The following SIRT5 variants were observed in gnomAD, a reference collection of about 807,000 sequenced individuals.
SIRT5 encodes the protein NAD-dependent protein deacylase sirtuin-5, mitochondrial.
SIRT5 carries 26 observed loss-of-function variants against 40.0 expected under a neutral mutation model. The observed-to-expected ratio is 0.65, with a 90% CI of 0.48 to 0.90. SIRT5 has a LOEUF of 0.90. Among genes scored for constraint, SIRT5 ranks in the 40% least tolerant of loss-of-function variants. SIRT5 has a pLI of 0.00. For missense variants in SIRT5, 401 were observed against 402.4 expected (o/e 1.00, Z 0.03); for synonymous variants, 146 against 149.1 (o/e 0.98, Z 0.15).
intron 2 of SIRT5, among the ~76,000 whole-genome samples, chr6:13,583,395 A>T (rs1759632013): frequency 1.3e-5 from 2 of 149,388 alleles, no homozygotes; most frequent in African/African-American, 2.5e-5. Context: ...CCGGGGTTCA[A>T]GTAGTTCTCC....
At position 13,599,013 on chromosome 6, in the gene SIRT5, A is replaced by G. The variant is rs201378458; in HGVS notation, c.618-19A>G. 93 of 1,612,834 alleles carry G rather than the reference A, an allele frequency of 5.8e-5. No homozygotes were observed. The highest frequency in any genetic ancestry group is 7.9e-5 in the Non-Finnish European group (93 of 1,179,476). ...GGCAGACTTGGCTCGGGGTTGGCTT[A>G]AGGATCCCATTCTTCCAGGTGTGAA... On this transcript the variant is annotated intron_variant, in intron 7 of 9. Coordinates refer to ENST00000606117, the MANE Select transcript of SIRT5 (RefSeq NM_012241.5).
At chr6:13,583,548 C>T (rs1759652946) in intron 2 of SIRT5, among the ~76,000 whole-genome samples, 1 of 152,168 alleles carries the variant, frequency 6.6e-6, no homozygotes, top group South Asian at 2.1e-4. Context: ...CCCATCTCGG[C>T]CTCCCAAAGT....
Position 13,591,878 on chromosome 6 carries a change from C to G in SIRT5, c.459C>G (p.Asn153Lys). The stretch of plus-strand genomic sequence containing the variant: ...TGCACCGCAAGGCTGGCACCAAGAA[C>G]CTTCTGGAGATCCATGGTGAGAGAC... ...DELHRKAGTK[N>K]LLEIHGSLFK... The change falls in exon 5 of 10, where the codon AAC becomes AAG. Residue 153 changes from asparagine (N) to lysine (K), a missense_variant. By Grantham distance (94) the Asn-to-Lys change is moderately conservative. Coordinates refer to ENST00000606117, the MANE Select transcript of SIRT5 (RefSeq NM_012241.5). The G allele has an allele frequency of 1.2e-6, 2 of 1,613,164 alleles. No individual in the cohort carries two copies. Among genetic ancestry groups the G allele is most frequent in the East Asian group, 4.5e-5 (2 of 44,854 alleles).
At chr6:13,611,238 C>CACACACACAT (rs1214269950) in intron 9 of SIRT5, among the ~76,000 whole-genome samples, 3 of 116,374 alleles carry the variant, frequency 2.6e-5, no homozygotes, top group African/African-American at 1.1e-4. Flanking sequence ...TATATATATA[C>CACACACACAT]ACACACACAT....
intron 9 of SIRT5, chr6:13,604,491 C>T: frequency 2.5e-6 from 4 of 1,570,300 alleles, no homozygotes; most frequent in Non-Finnish European, 3.5e-6. Flanking sequence ...TGATCTCCAT[C>T]TCATCTCTAA....
At chr6:13,593,600 T>G (rs1761213750) in intron 5 of SIRT5, among the ~76,000 whole-genome samples, 1 of 152,112 alleles carries the variant, frequency 6.6e-6, no homozygotes, top group African/African-American at 2.4e-5. Context: ...CGATGAGAAC[T>G]CTCTTCTAAC....
chr6:13,596,977 G>T lies in SIRT5; in HGVS notation c.578G>T (p.Gly193Val). ...ATTTACTTCAGTGCTCCAGAACCTGGAACTCAAGATGCCAGCATCCCAGTT... is the reference window on the plus strand; with the variant it reads ...ATTTACTTCAGTGCTCCAGAACCTGTAACTCAAGATGCCAGCATCCCAGTT... Reference protein sequence around the residue: ...ALSGKGAPEPGTQDASIPVEK... With the variant: ...ALSGKGAPEPVTQDASIPVEK... The change falls in exon 7 of 10, where the codon GGA (glycine) becomes GTA (valine). Residue 193 changes from glycine (G) to valine (V), a missense_variant. Physicochemically the swap from Gly to Val is moderately radical, Grantham distance 109. Coordinates refer to ENST00000606117, the MANE Select transcript of SIRT5 (RefSeq NM_012241.5). The T allele has an allele frequency of 1.2e-6, 2 of 1,611,112 alleles. No individual in the cohort carries two copies. Among genetic ancestry groups the T allele is most frequent in the Non-Finnish European group, 1.7e-6 (2 of 1,179,146 alleles).
chr6:13,583,094 T>C (rs1395519702), intron 2 of SIRT5, among the ~76,000 whole-genome samples: 3 of 151,938 alleles, frequency 2.0e-5, no homozygotes, highest in African/African-American at 7.3e-5. Context: ...TAGTCCCAGC[T>C]ACTGGGGAGG....
At chr6:13,598,528 A>T (rs1457800072) in intron 7 of SIRT5, among the ~76,000 whole-genome samples, 1 of 152,142 alleles carries the variant, frequency 6.6e-6, no homozygotes, top group Non-Finnish European at 1.5e-5. Flanking sequence ...TACAGACAAG[A>T]TAAAAAATAA....
intron 3 of SIRT5, among the ~76,000 whole-genome samples, chr6:13,585,952 G>A (rs1177785942): frequency 2.0e-5 from 3 of 152,098 alleles, no homozygotes; most frequent in Admixed American, 2.0e-4. Flanking sequence ...GTGTGAGATG[G>A]TATCTCACTG....
chr6:13,578,944 G>A (rs919652756), intron 1 of SIRT5, among the ~76,000 whole-genome samples: 2 of 152,132 alleles, frequency 1.3e-5, no homozygotes, highest in Non-Finnish European at 2.9e-5. Context: ...TGATCAATGA[G>A]TTTATTTCCT....
intron 1 of SIRT5, among the ~76,000 whole-genome samples, chr6:13,574,967 G>T (rs904751168): frequency 1.3e-5 from 2 of 152,172 alleles, no homozygotes; most frequent in African/African-American, 4.8e-5. Context: ...GGCAGTGGGC[G>T]TGGAGAGGGG....
intron 8 of SIRT5, among the ~76,000 whole-genome samples, chr6:13,599,977 CTGTA>C (rs1213901726): frequency 1.3e-5 from 2 of 152,166 alleles, no homozygotes; most frequent in African/African-American, 4.8e-5. Flanking sequence ...TTTCAATTGA[CTGTA>C]TGGTGTTATA....
chr6:13,576,951 A>G (rs536693254), intron 1 of SIRT5, among the ~76,000 whole-genome samples: 4 of 152,286 alleles, frequency 2.6e-5, no homozygotes, highest in African/African-American at 9.6e-5. Flanking sequence ...TCAAAAATCA[A>G]TTGACTGTAA....
intron 8 of SIRT5, among the ~76,000 whole-genome samples, chr6:13,600,604 T>C (rs1231661533): frequency 1.3e-5 from 2 of 152,360 alleles, no homozygotes; most frequent in Admixed American, 1.3e-4. Flanking sequence ...TGTCACTCTT[T>C]GCATAACTCT....
In SIRT5 at chr6:13,598,911, G is replaced by C. The variant is rs1396257272; in HGVS notation, c.618-121G>C. 5 of 1,122,790 alleles carry C rather than the reference G, an allele frequency of 4.5e-6. No individual in the cohort carries two copies. The African/African-American group carries it at 6.2e-5, about 14-fold the overall frequency. 69.6% of individuals were successfully genotyped at this position (1,122,790 alleles called of 1,614,324 possible). On this transcript the variant is annotated intron_variant, in intron 7 of 9. Coordinates refer to ENST00000606117, the MANE Select transcript of SIRT5 (RefSeq NM_012241.5). The stretch of plus-strand genomic sequence containing the variant: ...TATAGGCTGGGAGGGAGGGTGTAGG[G>C]AATAAGAGGCATCAGAGGTGACCCA...
At chr6:13,605,371 A>G in intron 9 of SIRT5, 1 of 983,434 alleles carries the variant, frequency 1.0e-6, no homozygotes, top group Non-Finnish European at 1.2e-6. Flanking sequence ...GGCCCTTTAC[A>G]GAAAAAGTTT....
At position 13,599,096 on chromosome 6, in the gene SIRT5, G is replaced by T. The variant is rs35730049; in HGVS notation, c.682G>T (p.Asp228Tyr). The T allele has an allele frequency of 3.3e-5, 53 of 1,614,018 alleles. No individual in the cohort carries two copies. Among genetic ancestry groups the T allele is most frequent in the Non-Finnish European group, 4.4e-5 (52 of 1,180,012 alleles). The change falls in exon 8 of 10, where the codon GAT becomes TAT. Residue 228 changes from aspartate to tyrosine, a missense_variant. By Grantham distance (160) the Asp-to-Tyr change is radical. Coordinates refer to ENST00000606117, the MANE Select transcript of SIRT5 (RefSeq NM_012241.5). The part of the protein sequence containing the change: ...PHVVWFGENL[D>Y]PAILEEVDRE... ...CGTCGTGTGGTTTGGAGAAAACCTG[G>T]ATCCTGCCATTCTGGAGGAGGTTGA...
Position 13,600,912 on chromosome 6 carries a change from T to C in SIRT5, c.820T>C (p.Phe274Leu), listed in dbSNP as rs757036882. 6.2e-7 allele frequency: 1 copy of C among 1,614,018 alleles called. No individual in the cohort carries two copies. The highest frequency in any genetic ancestry group is 8.5e-7 in the Non-Finnish European group (1 of 1,180,032). Residue 274 changes from phenylalanine to leucine, a missense_variant, in exon 9 of 10, where the codon TTT becomes CTT. Physicochemically the swap from Phe to Leu is conservative, Grantham distance 22 (BLOSUM62 0). Transcript: ENST00000606117. The part of the protein sequence containing the change: ...VAARGVPVAE[F>L]NTETTPATNR... Reference sequence around the variant, plus strand: ...TGCCAGGGGCGTGCCAGTGGCTGAATTTAACACGGAGACCACCCCAGCTAC... The same window carrying C: ...TGCCAGGGGCGTGCCAGTGGCTGAACTTAACACGGAGACCACCCCAGCTAC...
Sources: allele counts gnomAD v4.1 joint callset (sites outside exome capture counted in the v4.1 genomes callset), GRCh38; gene constraint gnomAD v4.1.1; transcripts MANE v1.5; gene names NCBI Gene and HGNC (gene_info 2026-07-23, HGNC 2026-07-21).